GPC6: variants seen among roughly 807,000 people sequenced by gnomAD.
The protein encoded by GPC6 is glypican 6.
A neutral mutation model predicts 55.2 loss-of-function variants in GPC6; 14 were observed. That is an observed-to-expected ratio of 0.25 (90% CI 0.17 to 0.40). The LOEUF (loss-of-function observed/expected upper bound fraction) is 0.40. Ranked by LOEUF, GPC6 falls within the 10% of genes least tolerant of loss-of-function variation. The pLI, the probability that GPC6 is intolerant of heterozygous loss-of-function variation, is 1.00. For synonymous variants in GPC6, 278 were observed against 259.6 expected (o/e 1.07, Z -0.68); for missense variants, 641 against 708.5 (o/e 0.90, Z 1.08).
chr13:93,260,292 T>G (rs1423858388), intron 1 of GPC6, among the ~76,000 whole-genome samples: 2 of 152,106 alleles, frequency 1.3e-5, no homozygotes, highest in African/African-American at 4.8e-5. Context: ...GTGTTTTTAG[T>G]TTAAAATTTG....
chr13:93,462,888 C>T (rs1158840518), intron 1 of GPC6, among the ~76,000 whole-genome samples: 1 of 152,080 alleles, frequency 6.6e-6, no homozygotes, highest in African/African-American at 2.4e-5. Context: ...TTTCCCGTGC[C>T]CTGCCCTCTG....
intron 3 of GPC6, among the ~76,000 whole-genome samples, chr13:94,005,872 A>T (rs17791599): frequency 0.015 from 2,225 of 152,256 alleles, 23 homozygotes; most frequent in Non-Finnish European, 0.022. Flanking sequence ...TTTATTTCTG[A>T]TAAGTGTCTA....
chr13:93,602,796 A>C (rs1878074069), intron 2 of GPC6, among the ~76,000 whole-genome samples: 1 of 152,220 alleles, frequency 6.6e-6, no homozygotes, highest in African/African-American at 2.4e-5. Context: ...GTCACAAAGA[A>C]TAATTGTTAA....
chr13:94,359,598 T>C (rs944784722), intron 6 of GPC6, among the ~76,000 whole-genome samples: 4 of 151,850 alleles, frequency 2.6e-5, no homozygotes, highest in Non-Finnish European at 5.9e-5. Context: ...AGCAACCTAA[T>C]ATTGAGGCTA....
chr13:93,591,400 C>T (rs1004204592), intron 2 of GPC6, among the ~76,000 whole-genome samples: 4 of 149,472 alleles, frequency 2.7e-5, no homozygotes, highest in African/African-American at 7.4e-5. Context: ...GGAGGTGGAG[C>T]TTGCAGTGAA....
Position 93,830,413 on chromosome 13 carries a change from C to T in GPC6, c.579C>T (p.Tyr193=). 2.5e-6 allele frequency: 4 copies of T among 1,613,898 alleles called. No individual in the cohort carries two copies. Among genetic ancestry groups the T allele is most frequent in the Non-Finnish European group, 3.4e-6 (4 of 1,179,956 alleles). The change falls in exon 3 of 9, where the codon TAC becomes TAT. Residue 193 remains tyrosine, a synonymous_variant. Coordinates refer to ENST00000377047, the MANE Select transcript of GPC6 (RefSeq NM_005708.5). The part of the protein sequence containing the change: ...SEDYLECVSK[Y]TDQLKPFGDV... The stretch of plus-strand genomic sequence containing the variant: ...ACTACCTGGAATGTGTGAGCAAATA[C>T]ACTGACCAGCTCAAGCCATTTGGAG...
chr13:94,012,833 C>G (rs1347691730), intron 3 of GPC6, among the ~76,000 whole-genome samples: 1 of 152,206 alleles, frequency 6.6e-6, no homozygotes, highest in African/African-American at 2.4e-5. Context: ...GCTAGAAATT[C>G]ATAGCTTTTA....
intron 1 of GPC6, among the ~76,000 whole-genome samples, chr13:93,535,756 T>C (rs1882038614): frequency 6.6e-6 from 1 of 151,812 alleles, no homozygotes; most frequent in Admixed American, 6.6e-5. Context: ...TGTCAGAATT[T>C]TAAGGAATAT....
chr13:93,477,027 C>G (rs1165536478), intron 1 of GPC6, among the ~76,000 whole-genome samples: 1 of 152,012 alleles, frequency 6.6e-6, no homozygotes, highest in South Asian at 2.1e-4. Flanking sequence ...TTTATAATAG[C>G]TATAAGAACC....
intron 3 of GPC6, among the ~76,000 whole-genome samples, chr13:93,871,987 TAAATA>T (rs1283280680): frequency 7.0e-6 from 1 of 143,330 alleles, no homozygotes; most frequent in Non-Finnish European, 1.6e-5. Context: ...ACAAAAGAAA[TAAATA>T]AAACAAGTTT....
At chr13:93,458,146 G>T (rs1322696565) in intron 1 of GPC6, among the ~76,000 whole-genome samples, 4 of 152,158 alleles carry the variant, frequency 2.6e-5, no homozygotes, top group Non-Finnish European at 5.9e-5. Context: ...TAATTTATTT[G>T]TTTTGTAGAA....
chr13:93,965,997 T>C (rs765420442), intron 3 of GPC6, among the ~76,000 whole-genome samples: 55 of 152,180 alleles, frequency 3.6e-4, no homozygotes, highest in Non-Finnish European at 6.2e-4. Context: ...TCTCCTGCCA[T>C]GACCACAGGC....
At chr13:93,243,190 C>T (rs1322444047) in intron 1 of GPC6, among the ~76,000 whole-genome samples, 4 of 152,224 alleles carry the variant, frequency 2.6e-5, no homozygotes, top group African/African-American at 9.6e-5. Context: ...TTCCCACCTA[C>T]CCTTTCCACA....
chr13:93,782,420 C>G (rs1434610666), intron 2 of GPC6, among the ~76,000 whole-genome samples: 1 of 152,020 alleles, frequency 6.6e-6, no homozygotes, highest in African/African-American at 2.4e-5. Flanking sequence ...CTTGTACTTG[C>G]TTATTTCATT....
chr13:94,263,548 G>C (rs1891711443), intron 4 of GPC6, among the ~76,000 whole-genome samples: 1 of 152,116 alleles, frequency 6.6e-6, no homozygotes, highest in Non-Finnish European at 1.5e-5. Context: ...CCAGATAAAA[G>C]CAGAGAAAAT....
At chr13:94,178,657 T>C (rs1888874386) in intron 4 of GPC6, among the ~76,000 whole-genome samples, 1 of 152,248 alleles carries the variant, frequency 6.6e-6, no homozygotes, top group South Asian at 2.1e-4. Flanking sequence ...GTAATTGCTC[T>C]CTTCTTCAAA....
intron 1 of GPC6, among the ~76,000 whole-genome samples, chr13:93,232,214 G>A (rs1876086326): frequency 6.6e-6 from 1 of 151,420 alleles, no homozygotes; most frequent in Admixed American, 6.6e-5. Context: ...GAGATAAATT[G>A]TTTAATTTCT....
intron 1 of GPC6, among the ~76,000 whole-genome samples, chr13:93,478,050 T>G (rs950471814): frequency 1.3e-5 from 2 of 152,138 alleles, no homozygotes; most frequent in Non-Finnish European, 2.9e-5. Context: ...GCCTGGTCAT[T>G]GGGCATTTTG....
intron 1 of GPC6, among the ~76,000 whole-genome samples, chr13:93,539,440 T>G (rs1310528632): frequency 6.6e-6 from 1 of 152,162 alleles, no homozygotes; most frequent in Non-Finnish European, 1.5e-5. Context: ...GAGAACCATG[T>G]CTCAGTAAGA....
Sources: gnomAD v4.1 joint callset for allele counts (sites outside exome capture counted in the v4.1 genomes callset) on GRCh38, gnomAD v4.1.1 for gene constraint, MANE v1.5 for transcripts, NCBI Gene and HGNC (gene_info 2026-07-23, HGNC 2026-07-21) for gene names.